PTPRD: variants seen among roughly 807,000 people sequenced by gnomAD.
The protein encoded by PTPRD is protein tyrosine phosphatase receptor type D, also known as receptor-type tyrosine-protein phosphatase delta.
A neutral mutation model predicts 214.5 loss-of-function variants in PTPRD; 34 were observed. The ratio of observed to expected loss-of-function variants is 0.16; its 90% CI spans 0.12 to 0.21. The LOEUF is 0.21. Among genes scored for constraint, PTPRD ranks in the 10% least tolerant of loss-of-function variants. The pLI, the probability that PTPRD is intolerant of heterozygous loss-of-function variation, is 1.00. For missense variants in PTPRD, 2,545 were observed against 2,398.7 expected (o/e 1.06, Z -1.27); for synonymous variants, 1,128 against 845.7 (o/e 1.33, Z -5.79).
chr9:10,531,608 A>G (rs537183759), intron 2 of PTPRD, among the ~76,000 whole-genome samples: 2 of 152,310 alleles, frequency 1.3e-5, no homozygotes, highest in East Asian at 3.9e-4. Flanking sequence ...TGAAGTGGTG[A>G]AAGGGAAGTT....
At chr9:8,903,552 A>G (rs141966222) in intron 11 of PTPRD, among the ~76,000 whole-genome samples, 27 of 152,308 alleles carry the variant, frequency 1.8e-4, no homozygotes, top group African/African-American at 5.8e-4. Context: ...ATTTTCAACA[A>G]CAAGGATGAA....
intron 10 of PTPRD, among the ~76,000 whole-genome samples, chr9:9,092,522 C>T (rs1211707571): frequency 7.2e-5 from 11 of 151,920 alleles, no homozygotes; most frequent in African/African-American, 2.4e-4. Flanking sequence ...ATGTGATTTA[C>T]AAATTAAGTG....
Position 9,610,238 on chromosome 9 carries a change from A to G in PTPRD, c.-286-35457T>C, listed in dbSNP as rs112001232. 2.7e-3 allele frequency among the ~76,000 whole-genome samples: 410 copies of G among 152,336 alleles called. 2 individuals are homozygous for G. Among genetic ancestry groups the G allele is most frequent in the African/African-American group, 9.4e-3 (391 of 41,568 alleles). ...AGGATAATTACCCACTCAGTCCTTG[A>G]ACAACTACAACATTATGCAGCCATT... On this transcript the variant is annotated intron_variant, in intron 7 of 45. Coordinates refer to ENST00000381196, the MANE Select transcript of PTPRD (RefSeq NM_002839.4).
At chr9:8,913,555 T>A (rs1307485822) in intron 11 of PTPRD, among the ~76,000 whole-genome samples, 4 of 152,118 alleles carry the variant, frequency 2.6e-5, no homozygotes, top group Non-Finnish European at 5.9e-5. Flanking sequence ...TTAATTTAAA[T>A]AAAAAAGTAT....
At chr9:10,225,427 G>A (rs2099585628) in intron 3 of PTPRD, among the ~76,000 whole-genome samples, 1 of 152,016 alleles carries the variant, frequency 6.6e-6, no homozygotes, top group African/African-American at 2.4e-5. Context: ...TACTTTCAGA[G>A]ACATTAAACT....
At chr9:8,755,396 G>A (rs543279519) in intron 11 of PTPRD, among the ~76,000 whole-genome samples, 7 of 152,038 alleles carry the variant, frequency 4.6e-5, no homozygotes, top group African/African-American at 9.6e-5. Flanking sequence ...GAGCATGGCG[G>A]TGCATGCCTG....
intron 8 of PTPRD, among the ~76,000 whole-genome samples, chr9:9,484,353 G>A (rs1165188328): frequency 1.3e-5 from 2 of 152,024 alleles, no homozygotes; most frequent in African/African-American, 2.4e-5. Flanking sequence ...AATAGACATG[G>A]TAATAGAATC....
intron 9 of PTPRD, among the ~76,000 whole-genome samples, chr9:9,314,161 T>A (rs1595638350): frequency 6.6e-6 from 1 of 152,170 alleles, no homozygotes; most frequent in Non-Finnish European, 1.5e-5. Flanking sequence ...ATAGTCTGAA[T>A]ATGGTAATTT....
intron 10 of PTPRD, among the ~76,000 whole-genome samples, chr9:9,148,180 G>GA (rs1159371403): frequency 4.6e-5 from 7 of 151,136 alleles, no homozygotes; most frequent in East Asian, 1.9e-4. Flanking sequence ...TTTTGCTAGA[G>GA]AAAAAAAAAT....
At position 9,209,934 on chromosome 9, in the gene PTPRD, G is replaced by T. The variant is rs575804003; in HGVS notation, c.-202-26571C>A. Among the ~76,000 whole-genome samples the T allele has an allele frequency of 1.1e-4, 16 of 152,144 alleles. No homozygotes were observed. The South Asian group carries it at 3.3e-3, about 32-fold the overall frequency. ...TATGAGCTTTAGCATATTTTCATTG[G>T]TTCCTCCTAAACTCAGATCCCATGG... On this transcript the variant is annotated intron_variant, in intron 9 of 45. Transcript: ENST00000381196.
chr9:9,517,571 C>A (rs903941790), intron 8 of PTPRD, among the ~76,000 whole-genome samples: 2 of 151,940 alleles, frequency 1.3e-5, no homozygotes, highest in Non-Finnish European at 2.9e-5. Context: ...GTGAAAAAAA[C>A]CACTTAGAGT....
At chr9:10,153,823 T>C (rs1230936013) in intron 3 of PTPRD, among the ~76,000 whole-genome samples, 2 of 152,154 alleles carry the variant, frequency 1.3e-5, no homozygotes, top group Admixed American at 6.6e-5. Context: ...TCTTGTTCTT[T>C]TTAGTGGCTG....
At chr9:8,409,750 C>T (rs1349796669) in intron 35 of PTPRD, among the ~76,000 whole-genome samples, 3 of 152,050 alleles carry the variant, frequency 2.0e-5, no homozygotes, top group African/African-American at 7.2e-5. Context: ...CAAAATATTC[C>T]CTTTAGAAAC....
chr9:10,217,637 A>C (rs1266347324), intron 3 of PTPRD, among the ~76,000 whole-genome samples: 2 of 151,958 alleles, frequency 1.3e-5, no homozygotes, highest in East Asian at 3.9e-4. Context: ...AGAGGAAAAA[A>C]TGAAATTTAA....
At chr9:10,262,827 G>A (rs1290888945) in intron 3 of PTPRD, among the ~76,000 whole-genome samples, 1 of 152,158 alleles carries the variant, frequency 6.6e-6, no homozygotes, top group Non-Finnish European at 1.5e-5. Context: ...CTTGATGTGT[G>A]ATATGGTTTG....
intron 7 of PTPRD, among the ~76,000 whole-genome samples, chr9:9,698,613 C>T (rs1564614607): frequency 6.6e-6 from 1 of 152,150 alleles, no homozygotes; most frequent in Non-Finnish European, 1.5e-5. Context: ...TGCCACCCTC[C>T]CCACTCCAGT....
chr9:9,369,042 G>A (rs1409273281), intron 9 of PTPRD, among the ~76,000 whole-genome samples: 2 of 151,996 alleles, frequency 1.3e-5, no homozygotes, highest in Admixed American at 1.3e-4. Context: ...ATAGTTTGCT[G>A]AGAATGATGG....
At chr9:9,269,528 G>A (rs1941881428) in intron 9 of PTPRD, among the ~76,000 whole-genome samples, 1 of 151,440 alleles carries the variant, frequency 6.6e-6, no homozygotes, top group African/African-American at 2.4e-5. Flanking sequence ...AAATAAAATT[G>A]AGATCTCAGA....
intron 3 of PTPRD, among the ~76,000 whole-genome samples, chr9:10,142,191 T>G (rs914666765): frequency 8.6e-5 from 13 of 151,936 alleles, no homozygotes; most frequent in Non-Finnish European, 1.9e-4. Flanking sequence ...ACCTAGGCAT[T>G]ACCATTCAGG....
Sources: allele counts gnomAD v4.1 joint callset (sites outside exome capture counted in the v4.1 genomes callset), GRCh38; gene constraint gnomAD v4.1.1; transcripts MANE v1.5; gene names NCBI Gene and HGNC (gene_info 2026-07-23, HGNC 2026-07-21).